The following SI variants were observed in gnomAD, a reference collection of about 807,000 sequenced individuals.
SI encodes sucrase-isomaltase, intestinal.
Under a neutral mutation model 253.3 loss-of-function variants are expected in SI, and 235 were observed. The ratio of observed to expected loss-of-function variants is 0.93; its 90% confidence interval spans 0.83 to 1.03. The LOEUF is 1.03. Among genes scored for constraint, SI ranks in the 50% least tolerant of loss-of-function variants. The pLI, the probability that SI is intolerant of heterozygous loss-of-function variation, is 0.00. For synonymous variants in SI, 819 were observed against 712.0 expected (o/e 1.15, Z -2.39); for missense variants, 2,442 against 2,211.1 (o/e 1.10, Z -2.09).
intron 12 of SI, among the ~76,000 whole-genome samples, chr3:165,055,794 A>G (rs935960041): frequency 3.3e-5 from 5 of 152,120 alleles, no homozygotes; most frequent in African/African-American, 1.2e-4. Context: ...ACTAACATAT[A>G]ATCTTCATTA....
intron 15 of SI, 81 bp from the exon 16 acceptor site, chr3:165,047,093 C>G: frequency 3.5e-6 from 4 of 1,149,506 alleles, no homozygotes; most frequent in Non-Finnish European, 5.0e-6. Context: ...TTCATAATTC[C>G]AAAGCCATGT....
At position 164,992,509 on chromosome 3, in the gene SI, A is replaced by G. The variant is rs939499338; in HGVS notation, c.4842-112T>C. The stretch of plus-strand genomic sequence containing the variant: ...AGTATGGACTTTTGTGGATTAAAAT[A>G]AAAACAAAACTGTAAAAAAATTAAA... On this transcript the variant is annotated intron_variant, in intron 41 of 47. Transcript: ENST00000264382. 2.7e-5 allele frequency: 20 copies of G among 748,164 alleles called. 1 individual carries two copies. In the East Asian group the frequency reaches 5.1e-4, roughly 19 times the overall value. The allele number at this position is 748,164 out of a possible 1,614,324, so 46.3% of individuals were successfully genotyped here.
In SI at chr3:164,984,411, A is replaced by C. The variant is rs539136850; in HGVS notation, c.5198-1360T>G. On this transcript the variant is annotated intron_variant, in intron 45 of 47. Transcript: ENST00000264382. ...TTTAATATGTATTACAAGACATATT[A>C]GTGTCAATATTCCTTAACCATTTTA... Among the ~76,000 whole-genome samples the C allele has an allele frequency of 2.4e-4, 36 of 152,282 alleles. No individual in the cohort carries two copies. The South Asian group carries it at 7.3e-3, about 31-fold the overall frequency.
rs182782420 is a variant in SI, at chr3:165,065,645, T to A, written c.636-213A>T. 1.6e-4 allele frequency among the ~76,000 whole-genome samples: 24 copies of A among 151,052 alleles called. No homozygotes were observed. In the East Asian group the frequency reaches 4.5e-3, roughly 29 times the overall value. ...TGCATCAACACAATTTTTGCCAATA[T>A]CTTTCACATCCATTTCTTTACTTTT... On this transcript the variant is annotated intron_variant, in intron 6 of 47. Transcript: ENST00000264382.
chr3:165,084,229 G>C, the SI span, among the ~76,000 whole-genome samples: 1 of 152,136 alleles, frequency 6.6e-6, no homozygotes, highest in South Asian at 2.1e-4. Context: ...GTCCTTACCA[G>C]ACATCAAATC....
At chr3:165,086,962 G>C in the SI span, among the ~76,000 whole-genome samples, 1 of 152,098 alleles carries the variant, frequency 6.6e-6, no homozygotes, top group African/African-American at 2.4e-5. Context: ...TCCCTTATGA[G>C]ACAGTTTCAG....
chr3:165,077,859 T>A (rs527940989), intron 1 of SI, among the ~76,000 whole-genome samples: 1 of 151,618 alleles, frequency 6.6e-6, no homozygotes, highest in Admixed American at 6.6e-5. Flanking sequence ...AACAATTGCT[T>A]AAAATTACTG....
chr3:164,994,046 AATT>A (rs1245021963), intron 41 of SI, among the ~76,000 whole-genome samples: 1 of 151,762 alleles, frequency 6.6e-6, no homozygotes, highest in Non-Finnish European at 1.5e-5. Flanking sequence ...TTTAATAACT[AATT>A]AATGTGGTTC....
In SI at chr3:165,059,023, C is replaced by T. The variant is rs754134318; in HGVS notation, c.1338G>A (p.Arg446=). ...ANGTTYATYE[R]GNTQHVWINE... Reference sequence around the variant, plus strand: ...TTATCCACACATGTTGTGTGTTTCCCCTCTCATAGGTTGCATATGTTGTTC... The same window carrying T: ...TTATCCACACATGTTGTGTGTTTCCTCTCTCATAGGTTGCATATGTTGTTC... Residue 446 remains arginine (R), a synonymous_variant, in exon 12 of 48, where the codon AGG becomes AGA. Coordinates refer to ENST00000264382, the MANE Select transcript of SI (RefSeq NM_001041.4). 2 of 1,612,124 alleles carry T rather than the reference C, an allele frequency of 1.2e-6. No individual in the cohort carries two copies. The highest frequency in any genetic ancestry group is 1.3e-5 in the African/African-American group (1 of 74,814).
chr3:164,992,254 C>T (rs1192530536), intron 42 of SI, 21 bp from the exon 43 acceptor site: 2 of 1,612,426 alleles, frequency 1.2e-6, no homozygotes, highest in East Asian at 2.2e-5. Flanking sequence ...AATAAATAGC[C>T]ATTAGTTGTA....
At chr3:165,036,306 A>G in intron 22 of SI, 83 bp downstream of exon 22, 1 of 904,576 alleles carries the variant, frequency 1.1e-6, no homozygotes, top group South Asian at 1.4e-5. Flanking sequence ...GTGATATTTA[A>G]AAAATGATAC....
chr3:165,063,566 C>A, intron 7 of SI, 25 bp from the exon 8 acceptor site: 3 of 1,012,036 alleles, frequency 3.0e-6, no homozygotes, highest in East Asian at 2.4e-5. Context: ...TTTGAAAATA[C>A]GATTTTCAAA....
intron 44 of SI, among the ~76,000 whole-genome samples, chr3:164,987,916 T>A (rs1020600799): frequency 1.3e-5 from 2 of 152,216 alleles, no homozygotes; most frequent in African/African-American, 4.8e-5. Flanking sequence ...AAATCTTTTC[T>A]GACTTAAGCC....
intron 44 of SI, among the ~76,000 whole-genome samples, chr3:164,989,061 T>A (rs1037174606): frequency 6.6e-6 from 1 of 151,150 alleles, no homozygotes; most frequent in Non-Finnish European, 1.5e-5. Context: ...ATTGTGCACA[T>A]GTACCCTAAA....
chr3:165,036,013 T>G (rs533317406), intron 22 of SI, among the ~76,000 whole-genome samples: 24 of 151,952 alleles, frequency 1.6e-4, no homozygotes, highest in Admixed American at 1.5e-3. Context: ...TAAATGTTGG[T>G]TTTATTTTCT....
Position 165,019,668 on chromosome 3 carries a change from A to G in SI, c.3357T>C (p.His1119=), listed in dbSNP as rs1464119794. Residue 1119 remains histidine, a synonymous_variant, in exon 28 of 48, where the codon CAT becomes CAC. Transcript: ENST00000264382. ...EYIYGFGEVE[H]TAFKRDLNWN... is the part of the protein sequence containing the mutation. ...AGTTCAGATCTCGCTTAAATGCTGT[A>G]TGTTCCACTTCCCCAAAACCATATA... 6 of 1,612,690 alleles carry G rather than the reference A, an allele frequency of 3.7e-6. No homozygotes were observed. The highest frequency in any genetic ancestry group is 5.1e-6 in the Non-Finnish European group (6 of 1,179,126).
At chr3:165,051,103 A>G (rs1313375449) in intron 13 of SI, among the ~76,000 whole-genome samples, 2 of 152,100 alleles carry the variant, frequency 1.3e-5, no homozygotes, top group African/African-American at 4.8e-5. Flanking sequence ...TTATAACTAT[A>G]ACTAGACATA....
At chr3:165,019,015 T>C (rs1719176561) in intron 28 of SI, among the ~76,000 whole-genome samples, 1 of 151,826 alleles carries the variant, frequency 6.6e-6, no homozygotes, top group Non-Finnish European at 1.5e-5. Flanking sequence ...TTAAAATATA[T>C]TTTTTATGAT....
chr3:165,065,462 C>CT (rs1465279052), intron 6 of SI, 30 bp from the exon 7 acceptor site: 6 of 422,434 alleles, frequency 1.4e-5, no homozygotes, highest in Non-Finnish European at 1.8e-5. Flanking sequence ...AAGAAATAAT[C>CT]TAATATATAT....
Sources: gnomAD v4.1 joint callset for allele counts (sites outside exome capture counted in the v4.1 genomes callset) on GRCh38, gnomAD v4.1.1 for gene constraint, MANE v1.5 for transcripts, NCBI Gene and HGNC (gene_info 2026-07-23, HGNC 2026-07-21) for gene names.